The following UNC79 variants were observed in gnomAD, a reference collection of about 807,000 sequenced individuals.
The protein encoded by UNC79 is protein unc-79 homolog.
A neutral mutation model predicts 283.1 loss-of-function variants in UNC79; 37 were observed. The observed-to-expected ratio is 0.13, with a 90% CI of 0.10 to 0.17. The LOEUF (loss-of-function observed/expected upper bound fraction) is 0.17, where lower values mean the gene tolerates loss of function less well. Among genes scored for constraint, UNC79 ranks in the 10% least tolerant of loss-of-function variants. The pLI is 1.00. For missense variants in UNC79, 2,272 were observed against 3,211.1 expected (o/e 0.71, Z 7.07); for synonymous variants, 1,107 against 1,200.2 (o/e 0.92, Z 1.61).
At chr14:93,662,004 T>C (rs2071649886) in intron 39 of UNC79, among the ~76,000 whole-genome samples, 1 of 152,172 alleles carries the variant, frequency 6.6e-6, no homozygotes, top group South Asian at 2.1e-4. Flanking sequence ...TGACACTCAG[T>C]AGGTACTCAA....
chr14:93,557,625 C>T (rs1033902345), intron 14 of UNC79, among the ~76,000 whole-genome samples: 7 of 151,942 alleles, frequency 4.6e-5, no homozygotes, highest in African/African-American at 1.5e-4. Context: ...TAAACATTTC[C>T]GCCCTCTGAA....
intron 40 of UNC79, among the ~76,000 whole-genome samples, chr14:93,663,598 T>A (rs1432997022): frequency 6.6e-6 from 1 of 152,178 alleles, no homozygotes; most frequent in Non-Finnish European, 1.5e-5. Context: ...GTCCCCTTTC[T>A]TACCAACTTG....
At chr14:93,694,518 T>C (rs890171666) in intron 47 of UNC79, 106 bp downstream of exon 50, 75 of 1,093,958 alleles carry the variant, frequency 6.9e-5, no homozygotes, top group Non-Finnish European at 9.9e-5. Flanking sequence ...ACATTCAGAG[T>C]TGGGGCTGGA....
chr14:93,548,001 C>CA, intron 14 of UNC79, among the ~76,000 whole-genome samples: 1 of 151,776 alleles, frequency 6.6e-6, no homozygotes, highest in Non-Finnish European at 1.5e-5. Context: ...AAACAAACAA[C>CA]AAAAAATCAA....
intron 40 of UNC79, among the ~76,000 whole-genome samples, chr14:93,668,570 C>A (rs1210812467): frequency 2.0e-5 from 3 of 150,798 alleles, no homozygotes; most frequent in Non-Finnish European, 1.5e-5. Context: ...TTAGGCGGGG[C>A]AAAGTGGCTC....
At chr14:93,585,992 C>G (rs1344103879) in intron 20 of UNC79, among the ~76,000 whole-genome samples, 5 of 151,350 alleles carry the variant, frequency 3.3e-5, no homozygotes, top group African/African-American at 1.2e-4. Flanking sequence ...AAGTGATTCT[C>G]TTGCCGCAGC....
intron 1 of UNC79, among the ~76,000 whole-genome samples, chr14:93,345,989 G>C (rs1343296938): frequency 1.3e-5 from 2 of 150,458 alleles, no homozygotes; most frequent in Non-Finnish European, 3.0e-5. Context: ...TGCTGGAAAA[G>C]AAAGGAACAA....
At chr14:93,402,276 CAAAAAA>C (rs1232880016) in intron 1 of UNC79, among the ~76,000 whole-genome samples, 1 of 64,992 alleles carries the variant, frequency 1.5e-5, no homozygotes, top group African/African-American at 6.1e-5. Flanking sequence ...GACTCTGTCT[CAAAAAA>C]AAAAAAAAAA....
Position 93,634,648 on chromosome 14 carries a change from C to A in UNC79, c.5717-2568C>A, listed in dbSNP as rs1369811228. On this transcript the variant is annotated intron_variant, in intron 31 of 48. Coordinates refer to ENST00000555664, the Ensembl canonical transcript of UNC79. Reference sequence around the variant, plus strand: ...GCAACTGGGACACTGGTGGGTCAAGCTTTTTCTTCTCATTCTACCTCTCGG... The same window carrying A: ...GCAACTGGGACACTGGTGGGTCAAGATTTTTCTTCTCATTCTACCTCTCGG... 6.2e-7 allele frequency: 1 copy of A among 1,605,632 alleles called. No homozygotes were observed.
At chr14:93,499,092 T>A (rs1486261836) in intron 7 of UNC79, among the ~76,000 whole-genome samples, 1 of 152,266 alleles carries the variant, frequency 6.6e-6, no homozygotes, top group Non-Finnish European at 1.5e-5. Context: ...TGGTAATACT[T>A]GTTGTTTGGG....
intron 40 of UNC79, among the ~76,000 whole-genome samples, chr14:93,664,996 C>A (rs951190985): frequency 1.3e-5 from 2 of 151,956 alleles, no homozygotes; most frequent in Non-Finnish European, 2.9e-5. Flanking sequence ...GTAGCAAGAT[C>A]ATTTCCCACA....
chr14:93,431,426 G>T (rs1339700714), intron 1 of UNC79, among the ~76,000 whole-genome samples: 1 of 151,868 alleles, frequency 6.6e-6, no homozygotes, highest in Non-Finnish European at 1.5e-5. Flanking sequence ...AATCAGGGGC[G>T]GGGAACTGTC....
At chr14:93,706,031 G>A (rs755860664) in intron 48 of UNC79, among the ~76,000 whole-genome samples, 5 of 152,150 alleles carry the variant, frequency 3.3e-5, no homozygotes, top group Non-Finnish European at 7.3e-5. Flanking sequence ...AGAGTTTCTT[G>A]CACTCTCAGC....
intron 26 of UNC79, among the ~76,000 whole-genome samples, chr14:93,610,066 A>C (rs2066185951): frequency 6.6e-6 from 1 of 152,212 alleles, no homozygotes; most frequent in African/African-American, 2.4e-5. Flanking sequence ...GTCATCAGGA[A>C]AATATGATGT....
intron 1 of UNC79, among the ~76,000 whole-genome samples, chr14:93,404,493 A>AAAAAAAAAAAAATAT: frequency 1.3e-4 from 8 of 61,500 alleles, no homozygotes; most frequent in South Asian, 4.6e-4. Flanking sequence ...TTCTAAAAAA[A>AAAAAAAAAAAAATAT]ATATATATAT....
rs111396361 is a variant in UNC79, at chr14:93,652,627, T to C, written c.6084-1115T>C. Among the ~76,000 whole-genome samples the C allele has an allele frequency of 1.7e-3, 253 of 152,322 alleles. 1 individual carries two copies. Among genetic ancestry groups the C allele is most frequent in the Middle Eastern group, 0.01 (3 of 294 alleles). On this transcript the variant is annotated intron_variant, in intron 35 of 48. Transcript: ENST00000555664. ...TGTATTTTCTGCATCTATTGAGATATAAGCTTTTTGTCCGTTATTTCTTAA... is the reference window on the plus strand; with the variant it reads ...TGTATTTTCTGCATCTATTGAGATACAAGCTTTTTGTCCGTTATTTCTTAA...
intron 1 of UNC79, among the ~76,000 whole-genome samples, chr14:93,439,074 A>G (rs1356197413): frequency 6.6e-6 from 1 of 152,076 alleles, no homozygotes; most frequent in Non-Finnish European, 1.5e-5. Context: ...ATTTTACTAA[A>G]TTATTTTCTT....
exon 26 of UNC79, chr14:93,603,262 G>T: frequency 6.2e-7 from 1 of 1,614,182 alleles, no homozygotes; most frequent in Non-Finnish European, 8.5e-7. Flanking sequence ...GAGGACCAAT[G>T]TTGCTAACCT....
intron 26 of UNC79, among the ~76,000 whole-genome samples, chr14:93,604,430 G>A (rs1483652040): frequency 6.6e-6 from 1 of 152,136 alleles, no homozygotes; most frequent in East Asian, 1.9e-4. Flanking sequence ...AGAGAGTTAA[G>A]TATGAATGAA....
Sources: allele counts gnomAD v4.1 joint callset (sites outside exome capture counted in the v4.1 genomes callset), GRCh38; gene constraint gnomAD v4.1.1; transcripts MANE v1.5; gene names NCBI Gene and HGNC (gene_info 2026-07-23, HGNC 2026-07-21).